Variants in GUCY1A2 observed in about 807,000 individuals in gnomAD.
GUCY1A2 encodes the protein guanylate cyclase 1 soluble subunit alpha 2, also known as guanylate cyclase soluble subunit alpha-2.
In GUCY1A2, 27 loss-of-function variants were observed where a neutral mutation model predicts 63.5. The observed-to-expected ratio is 0.43, with a 90% confidence interval of 0.31 to 0.59. The LOEUF is 0.59. Ranked by LOEUF, GUCY1A2 falls within the 20% of genes least tolerant of loss-of-function variation. The probability of loss-of-function intolerance (pLI) is 0.11; values close to 1 mark genes in which losing one functional copy is unlikely to be tolerated. For synonymous variants in GUCY1A2, 364 were observed against 343.5 expected (o/e 1.06, Z -0.66); for missense variants, 768 against 913.3 (o/e 0.84, Z 2.05).
intron 4 of GUCY1A2, chr11:106,826,555 A>G: frequency 6.2e-7 from 1 of 1,602,228 alleles, no homozygotes; most frequent in South Asian, 1.1e-5. Flanking sequence ...GACGACTTTG[A>G]TGTATTCTTG....
At chr11:106,696,668 G>A (rs1862724758) in intron 7 of GUCY1A2, among the ~76,000 whole-genome samples, 1 of 151,998 alleles carries the variant, frequency 6.6e-6, no homozygotes, top group African/African-American at 2.4e-5. Context: ...CCCCCAAGAA[G>A]GCAAATCAAC....
chr11:106,803,413 T>C (rs570172463), intron 5 of GUCY1A2, among the ~76,000 whole-genome samples: 126 of 152,284 alleles, frequency 8.3e-4, no homozygotes, highest in Non-Finnish European at 1.3e-3. Flanking sequence ...GTCTTTGGCA[T>C]ACAATGCAAT....
At chr11:106,831,632 A>G (rs942138604) in intron 4 of GUCY1A2, among the ~76,000 whole-genome samples, 9 of 152,330 alleles carry the variant, frequency 5.9e-5, no homozygotes, top group Middle Eastern at 3.4e-3. Flanking sequence ...TTTCCTCAGT[A>G]GCCATGGAGG....
rs1180737413 is a variant in GUCY1A2 at position 106,756,042 on chromosome 11, G to A, written c.1836+20397C>T. ...GAATCTGGGTGCTCCTGTATTGGGT[G>A]CATATATATTTAGGATAGTTAGCTC... On this transcript the variant is annotated intron_variant, in intron 6 of 7. Transcript: ENST00000526355. Among the ~76,000 whole-genome samples, 3 of 152,166 alleles carry A rather than the reference G, an allele frequency of 2.0e-5. No individual in the cohort carries two copies. In the East Asian group the frequency reaches 5.8e-4, roughly 29 times the overall value.
At chr11:107,009,926 T>C (rs779062337) in intron 1 of GUCY1A2, among the ~76,000 whole-genome samples, 4 of 152,164 alleles carry the variant, frequency 2.6e-5, no homozygotes, top group Non-Finnish European at 5.9e-5. Context: ...GTTCAAAATG[T>C]AGTTTGGGCC....
intron 3 of GUCY1A2, among the ~76,000 whole-genome samples, chr11:106,962,215 G>A (rs1393486017): frequency 6.6e-6 from 1 of 151,982 alleles, no homozygotes; most frequent in African/African-American, 2.4e-5. Context: ...TGAAAATTTT[G>A]TTCCCAAAGG....
chr11:106,945,225 T>A (rs1023952723), intron 3 of GUCY1A2, among the ~76,000 whole-genome samples: 6 of 148,180 alleles, frequency 4.0e-5, no homozygotes, highest in African/African-American at 1.2e-4. Context: ...TTAAAAAAAA[T>A]TTACTTTTCA....
chr11:106,828,590 T>C (rs1290574312), intron 4 of GUCY1A2, among the ~76,000 whole-genome samples: 1 of 152,216 alleles, frequency 6.6e-6, no homozygotes, highest in African/African-American at 2.4e-5. Flanking sequence ...TGGGGAATTA[T>C]TGTATCAAGT....
At chr11:106,874,808 T>G (rs564303345) in intron 4 of GUCY1A2, among the ~76,000 whole-genome samples, 3 of 151,470 alleles carry the variant, frequency 2.0e-5, no homozygotes. Context: ...TTTAATCTTT[T>G]AAAAAAAAAC....
chr11:106,833,957 T>G (rs1010118964), intron 4 of GUCY1A2, among the ~76,000 whole-genome samples: 1 of 151,916 alleles, frequency 6.6e-6, no homozygotes, highest in Non-Finnish European at 1.5e-5. Context: ...AATTAAAAAT[T>G]TTATATATTC....
intron 4 of GUCY1A2, among the ~76,000 whole-genome samples, chr11:106,890,555 T>G (rs1315236823): frequency 1.1e-4 from 17 of 152,212 alleles, no homozygotes; most frequent in Admixed American, 1.3e-4. Flanking sequence ...CTTCTTCCTG[T>G]ATGTGACGGT....
At chr11:106,901,242 G>C (rs1860129036) in intron 4 of GUCY1A2, among the ~76,000 whole-genome samples, 1 of 152,106 alleles carries the variant, frequency 6.6e-6, no homozygotes, top group Non-Finnish European at 1.5e-5. Context: ...ATATGTTCAA[G>C]TTCTACTGTG....
chr11:106,855,325 C>G (rs1012097405), intron 4 of GUCY1A2, among the ~76,000 whole-genome samples: 1 of 152,120 alleles, frequency 6.6e-6, no homozygotes, highest in Non-Finnish European at 1.5e-5. Flanking sequence ...AATGAAGACA[C>G]CTTCCTCATT....
intron 6 of GUCY1A2, among the ~76,000 whole-genome samples, chr11:106,712,360 T>G (rs539127493): frequency 1.1e-4 from 16 of 152,218 alleles, no homozygotes; most frequent in Non-Finnish European, 2.4e-4. Context: ...ATTTGGAATT[T>G]TTAAAAATCT....
In GUCY1A2 at chr11:106,924,631, C is replaced by T. The variant is rs80204584; in HGVS notation, c.1206+14829G>A. Among the ~76,000 whole-genome samples, 883 of 152,184 alleles carry T rather than the reference C, an allele frequency of 5.8e-3. 5 individuals are homozygous for T. The highest frequency in any genetic ancestry group is 0.02 in the African/African-American group (851 of 41,520). On this transcript the variant is annotated intron_variant, in intron 4 of 7. Coordinates refer to ENST00000526355, the MANE Select transcript of GUCY1A2 (RefSeq NM_000855.3). ...GAAGTAGGCCTTAGTATGTCTCTAC[C>T]TCACATATTTGCAACGGGAGTCAAA...
intron 4 of GUCY1A2, among the ~76,000 whole-genome samples, chr11:106,836,785 G>C (rs1264541215): frequency 6.6e-6 from 1 of 151,884 alleles, no homozygotes; most frequent in East Asian, 1.9e-4. Flanking sequence ...TGAAATTATT[G>C]CAATAGTACA....
intron 4 of GUCY1A2, among the ~76,000 whole-genome samples, chr11:106,921,619 A>G (rs1361034431): frequency 6.6e-6 from 1 of 152,096 alleles, no homozygotes; most frequent in Non-Finnish European, 1.5e-5. Flanking sequence ...CACAATAGTC[A>G]AACTTCAATT....
At chr11:106,865,270 G>A (rs965243880) in intron 4 of GUCY1A2, among the ~76,000 whole-genome samples, 11 of 151,876 alleles carry the variant, frequency 7.2e-5, no homozygotes, top group Admixed American at 4.6e-4. Flanking sequence ...TATTGTGTCC[G>A]ATTCTTCTCT....
intron 3 of GUCY1A2, among the ~76,000 whole-genome samples, chr11:106,942,422 A>G (rs911948257): frequency 6.6e-6 from 1 of 152,196 alleles, no homozygotes; most frequent in Non-Finnish European, 1.5e-5. Context: ...TTATATACAC[A>G]TTCAATGACA....
Sources: gnomAD v4.1 joint callset for allele counts (sites outside exome capture counted in the v4.1 genomes callset) on GRCh38, gnomAD v4.1.1 for gene constraint, MANE v1.5 for transcripts, NCBI Gene and HGNC (gene_info 2026-07-23, HGNC 2026-07-21) for gene names.